LRRIQ1: variants seen among roughly 807,000 people sequenced by gnomAD.
The protein encoded by LRRIQ1 is leucine rich repeats and IQ motif containing 1, also known as leucine-rich repeat- and IQ domain-containing protein 1.
LRRIQ1 carries 210 observed loss-of-function variants against 211.9 expected under a neutral mutation model. That is an observed-to-expected ratio of 0.99 (90% CI 0.89 to 1.11). The LOEUF (loss-of-function observed/expected upper bound fraction) is 1.11. Ranked by LOEUF, LRRIQ1 falls within the 50% of genes most tolerant of loss-of-function variation. LRRIQ1 has a pLI of 0.00. For missense variants in LRRIQ1, 2,136 were observed against 1,939.5 expected (o/e 1.10, Z -1.90); for synonymous variants, 699 against 650.1 (o/e 1.08, Z -1.14).
chr12:85,070,261 G>A (rs1882943858), intron 10 of LRRIQ1, among the ~76,000 whole-genome samples: 1 of 152,074 alleles, frequency 6.6e-6, no homozygotes. Context: ...CTACACTTGA[G>A]TGTTTGGTGT....
In LRRIQ1 at chr12:85,100,040, T is replaced by C. The variant is rs187959255; in HGVS notation, c.3209+1046T>C. Among the ~76,000 whole-genome samples the C allele has an allele frequency of 3.9e-5, 6 of 151,940 alleles. No individual in the cohort carries two copies. The East Asian group carries it at 1.2e-3, about 29-fold the overall frequency. On this transcript the variant is annotated intron_variant, in intron 13 of 26. Transcript: ENST00000393217. ...TAATTTGGGCAATTCACAAACTCCT[T>C]GGATCTTTTCAGAATATTTTCCAGG...
At chr12:85,103,732 A>G (rs1299620750) in intron 13 of LRRIQ1, among the ~76,000 whole-genome samples, 1 of 151,760 alleles carries the variant, frequency 6.6e-6, no homozygotes, top group Non-Finnish European at 1.5e-5. Context: ...GATTTTTGTG[A>G]TTGAAATTAG....
rs1887638697 is a variant in LRRIQ1, at chr12:85,117,102, T to G, written c.3378-4595T>G. Among the ~76,000 whole-genome samples the G allele has an allele frequency of 2.6e-5, 4 of 152,314 alleles. No individual in the cohort carries two copies. The South Asian group carries it at 6.2e-4, about 24-fold the overall frequency. On this transcript the variant is annotated intron_variant, in intron 15 of 26. Coordinates refer to ENST00000393217, the MANE Select transcript of LRRIQ1 (RefSeq NM_001079910.2). ...TCATAAACAGTCATTTCGGAAACACTGCCCTGCAGTGTTGGAGGCACACTA... is the reference window on the plus strand; with the variant it reads ...TCATAAACAGTCATTTCGGAAACACGGCCCTGCAGTGTTGGAGGCACACTA...
intron 6 of LRRIQ1, among the ~76,000 whole-genome samples, chr12:85,049,125 G>A (rs1188181441): frequency 1.3e-5 from 2 of 152,092 alleles, no homozygotes; most frequent in African/African-American, 2.4e-5. Context: ...GAGCTTAAAA[G>A]TTTCCAATGG....
At chr12:85,194,812 T>A (rs1565896123) in intron 24 of LRRIQ1, among the ~76,000 whole-genome samples, 1 of 151,686 alleles carries the variant, frequency 6.6e-6, no homozygotes, top group Non-Finnish European at 1.5e-5. Context: ...AGGCAAAAAA[T>A]AACTCAAATC....
downstream of LRRIQ1, among the ~76,000 whole-genome samples, chr12:85,246,516 C>T (rs936310603): frequency 2.6e-5 from 4 of 151,326 alleles, no homozygotes; most frequent in Admixed American, 2.6e-4. Flanking sequence ...TAATGTATTA[C>T]CTGAATGTTA....
chr12:85,151,466 TA>T (rs1221195894), intron 19 of LRRIQ1, among the ~76,000 whole-genome samples: 3 of 151,502 alleles, frequency 2.0e-5, no homozygotes, highest in Non-Finnish European at 4.4e-5. Flanking sequence ...CAACCTTTTT[TA>T]AAAAAAATTG....
chr12:85,250,892 ATTT>A lies in LRRIQ1; in HGVS notation c.121+5985_121+5987del, dbSNP rs1393304943. On this transcript the variant is annotated intron_variant, in intron 1 of 1. Transcript: ENST00000602731. ...TTATATATTATATTATATATAATAT[ATTT>A]TATATATTATATATAATATATTTTA... Among the ~76,000 whole-genome samples, 13 of 101,106 alleles carry A rather than the reference ATTT, an allele frequency of 1.3e-4. 1 individual carries two copies. Among genetic ancestry groups the A allele is most frequent in the African/African-American group, 5.3e-4 (12 of 22,618 alleles). 66.3% of individuals were successfully genotyped at this position (101,106 alleles called of 152,430 possible). A position where few individuals can be genotyped will look rare whatever the true frequency, so the allele number is the denominator to read the frequency against.
chr12:85,133,700 G>C (rs1888932354), intron 18 of LRRIQ1, among the ~76,000 whole-genome samples: 1 of 152,072 alleles, frequency 6.6e-6, no homozygotes, highest in Non-Finnish European at 1.5e-5. Context: ...GTAGAGTTAT[G>C]AGGAACTAGC....
At chr12:85,068,470 C>G (rs1414211098) in intron 10 of LRRIQ1, among the ~76,000 whole-genome samples, 1 of 151,690 alleles carries the variant, frequency 6.6e-6, no homozygotes, top group Admixed American at 6.6e-5. Context: ...TTATATTAAA[C>G]ATTTGCTTCA....
At chr12:85,076,852 A>G (rs552430402) in intron 11 of LRRIQ1, among the ~76,000 whole-genome samples, 14 of 151,642 alleles carry the variant, frequency 9.2e-5, no homozygotes, top group African/African-American at 3.1e-4. Flanking sequence ...CACAATGCTT[A>G]GTGTAAAGCT....
At chr12:85,234,200 G>T (rs1895076806) in intron 26 of LRRIQ1, among the ~76,000 whole-genome samples, 1 of 152,042 alleles carries the variant, frequency 6.6e-6, no homozygotes, top group South Asian at 2.1e-4. Flanking sequence ...TTGCACAACT[G>T]TACTCCAGAT....
chr12:85,154,185 G>T (rs909518218), intron 23 of LRRIQ1, 91 bp downstream of exon 23: 2 of 651,942 alleles, frequency 3.1e-6, no homozygotes, highest in Non-Finnish European at 4.6e-6. Flanking sequence ...TGTTTAATAA[G>T]AACAGTAATC....
rs552605712 is a variant in LRRIQ1 at position 85,106,627 on chromosome 12, T to G, written c.3377+12T>G. On this transcript the variant is annotated intron_variant, in intron 15 of 26. Transcript: ENST00000393217. ...GAAACAAACTGGAGGTAAAGAGGCA[T>G]TGTTGCACCCCATGTATATCCATTA... is the stretch of plus-strand genomic sequence containing the variant. 2.3e-5 allele frequency: 36 copies of G among 1,549,346 alleles called. No homozygotes were observed. The African/African-American group carries it at 2.7e-4, about 12-fold the overall frequency.
At chr12:85,116,893 T>A (rs2136391123) in intron 15 of LRRIQ1, among the ~76,000 whole-genome samples, 1 of 149,666 alleles carries the variant, frequency 6.7e-6, no homozygotes, top group Middle Eastern at 3.4e-3. Context: ...TCTTTTTTTT[T>A]TTTTATGGCT....
At chr12:85,091,679 T>C (rs554878203) in intron 11 of LRRIQ1, among the ~76,000 whole-genome samples, 2 of 152,320 alleles carry the variant, frequency 1.3e-5, no homozygotes, top group East Asian at 3.9e-4. Context: ...TTTTTGTATA[T>C]GGTGAAAAGT....
chr12:85,054,127 C>T (rs960542363), intron 7 of LRRIQ1, among the ~76,000 whole-genome samples: 1 of 152,130 alleles, frequency 6.6e-6, no homozygotes, highest in Non-Finnish European at 1.5e-5. Flanking sequence ...CATTCATCCA[C>T]ACATATTTAC....
intron 24 of LRRIQ1, among the ~76,000 whole-genome samples, chr12:85,175,985 G>A (rs1891678854): frequency 6.6e-6 from 1 of 152,072 alleles, no homozygotes; most frequent in African/African-American, 2.4e-5. Flanking sequence ...ACTTGGCGGT[G>A]CGGGCTCTTT....
At position 85,121,719 on chromosome 12, in the gene LRRIQ1, C is replaced by G. The variant is rs762999797; in HGVS notation, c.3400C>G (p.Pro1134Ala). The G allele has an allele frequency of 3.1e-6, 5 of 1,588,048 alleles. No homozygotes were observed. In the South Asian group the frequency reaches 5.8e-5, roughly 19 times the overall value. Residue 1134 changes from proline to alanine, a missense_variant, in exon 16 of 27, where the codon CCT becomes GCT. By Grantham distance (27) the Pro-to-Ala change is conservative. Coordinates refer to ENST00000393217, the MANE Select transcript of LRRIQ1 (RefSeq NM_001079910.2). ...TAGGGATTCTCTACTTAAAGTGTTG[C>G]CTGCTCTGAGAATCCTCAATGGCAA... Reference protein sequence around the residue: ...NWRDSLLKVLPALRILNGNIL... With the variant: ...NWRDSLLKVLAALRILNGNIL...
Sources: allele counts gnomAD v4.1 joint callset (sites outside exome capture counted in the v4.1 genomes callset), GRCh38; gene constraint gnomAD v4.1.1; transcripts MANE v1.5; gene names NCBI Gene and HGNC (gene_info 2026-07-23, HGNC 2026-07-21).